CHMP6: variants seen among roughly 807,000 people sequenced by gnomAD.
The protein encoded by CHMP6 is charged multivesicular body protein 6, also known as chromatin-modifying protein 6.
Under a neutral mutation model 32.8 loss-of-function variants are expected in CHMP6, and 10 were observed. The observed-to-expected ratio is 0.30, with a 90% CI of 0.19 to 0.52. The LOEUF is 0.52. Ranked by LOEUF, CHMP6 falls within the 20% of genes least tolerant of loss-of-function variation. The pLI is 0.97. For missense variants in CHMP6, 269 were observed against 263.8 expected, an observed-to-expected ratio of 1.02 and a Z score of -0.14; for synonymous variants, 123 against 105.8, an observed-to-expected ratio of 1.16 and a Z score of -1.00.
At position 80,991,975 on chromosome 17, in the gene CHMP6, C is replaced by T. The variant is rs1324648663; in HGVS notation, c.57C>T (p.Ala19=). The T allele has an allele frequency of 2.1e-6, 3 of 1,440,578 alleles. No homozygotes were observed. The highest frequency in any genetic ancestry group is 1.3e-5 in the South Asian group (1 of 74,716). 89.2% of individuals were successfully genotyped at this position (1,440,578 alleles called of 1,614,324 possible). Residue 19 remains alanine (A), a synonymous_variant, in exon 1 of 8, where the codon GCC becomes GCT. Transcript: ENST00000325167. ...KQSRVTEQDK[A]ILQLKQQRDK... ...GCCGCGTCACGGAGCAGGACAAGGCCATCCTGGTGAGGGCCCGGGCCCGGG... is the reference window on the plus strand; with the variant it reads ...GCCGCGTCACGGAGCAGGACAAGGCTATCCTGGTGAGGGCCCGGGCCCGGG...
At chr17:80,993,297 G>A (rs548690199) in intron 1 of CHMP6, among the ~76,000 whole-genome samples, 1 of 150,918 alleles carries the variant, frequency 6.6e-6, no homozygotes, top group African/African-American at 2.4e-5. Flanking sequence ...TAGGATAACA[G>A]GTGTTCCCCA....
chr17:80,998,818 C>T (rs1343448667), intron 7 of CHMP6: 5 of 768,988 alleles, frequency 6.5e-6, no homozygotes, highest in South Asian at 3.8e-5. Context: ...CGTCCATCCA[C>T]GTTTGTTCTG....
Position 80,997,003 on chromosome 17 carries a change from A to G in CHMP6, c.349-4A>G. The G allele has an allele frequency of 6.2e-7, 1 of 1,613,034 alleles. No homozygotes were observed. The highest frequency in any genetic ancestry group is 8.5e-7 in the Non-Finnish European group (1 of 1,179,474). ...GGGTCAACACCCATCACCCTCGTCCACAGGTGATGTCCATTGAAGAGGTGG... is the reference window on the plus strand; with the variant it reads ...GGGTCAACACCCATCACCCTCGTCCGCAGGTGATGTCCATTGAAGAGGTGG... On this transcript the variant is annotated splice_region_variant and splice_polypyrimidine_tract_variant and intron_variant, in intron 4 of 7. Transcript: ENST00000325167.
Position 80,997,219 on chromosome 17 carries a change from GCCA to G in CHMP6, c.415-39_415-37del, listed in dbSNP as rs1318323766. ...AGGCCATCTCCTTCCTCCCTGAGGG[GCCA>G]CCTCCTCGCTGCTCTCACCACCGCC... is the stretch of plus-strand genomic sequence containing the variant. On this transcript the variant is annotated intron_variant, in intron 5 of 7. Transcript: ENST00000325167. The G allele has an allele frequency of 1.9e-6, 3 of 1,611,172 alleles. No homozygotes were observed. In the Admixed American group the frequency reaches 5.0e-5, roughly 27 times the overall value.
rs775129103 is a variant in CHMP6 at position 80,997,280 on chromosome 17, C to A, written c.434C>A (p.Ala145Glu). 1 of 1,613,654 alleles carries A rather than the reference C, an allele frequency of 6.2e-7. No individual in the cohort carries two copies. The highest frequency in any genetic ancestry group is 8.5e-7 in the Non-Finnish European group (1 of 1,179,916). ...EYQRQIDELL[A>E]GSFTQEDEDA... ...TTGCAGCAAATAGACGAGCTCCTGG[C>A]AGGAAGCTTCACTCAGGAGGATGAA... The change falls in exon 6 of 8, where the codon GCA (alanine) becomes GAA (glutamate). Residue 145 changes from alanine (A) to glutamate (E), a missense_variant. Physicochemically the swap from Ala to Glu is moderately radical, Grantham distance 107. Transcript: ENST00000325167.
chr17:80,992,925 C>T (rs1431769999), intron 1 of CHMP6, among the ~76,000 whole-genome samples: 1 of 152,216 alleles, frequency 6.6e-6, no homozygotes, highest in Non-Finnish European at 1.5e-5. Flanking sequence ...AAGAGGGAAT[C>T]TTACGTTGGC....
At position 80,999,405 on chromosome 17, in the gene CHMP6, G is replaced by A. The variant is rs977817920; in HGVS notation, c.*252G>A. ...CTCTCGACCGAGCCCAGCTTCTGCC[G>A]GTTGTGGGCTCCCCCGGTGGCCGAG... On this transcript the variant is annotated 3_prime_UTR_variant, in exon 8 of 8. Coordinates refer to ENST00000325167, the MANE Select transcript of CHMP6 (RefSeq NM_024591.5). 8 of 490,684 alleles carry A rather than the reference G, an allele frequency of 1.6e-5. No homozygotes were observed. The highest frequency in any genetic ancestry group is 5.6e-4 in the Middle Eastern group (1 of 1,788). 30.4% of individuals were successfully genotyped at this position (490,684 alleles called of 1,614,324 possible).
chr17:80,999,553 C>A lies in CHMP6; in HGVS notation c.*400C>A. 1 of 188,808 alleles carries A rather than the reference C, an allele frequency of 5.3e-6. No individual in the cohort carries two copies. Among genetic ancestry groups the A allele is most frequent in the Non-Finnish European group, 1.1e-5 (1 of 90,768 alleles). The allele number at this position is 188,808 out of a possible 1,614,324, so 11.7% of individuals were successfully genotyped here. A position where few individuals can be genotyped will look rare whatever the true frequency, so the allele number is the denominator to read the frequency against. The stretch of plus-strand genomic sequence containing the variant: ...CCGCGCTTCCTCTTGCTCCTCGCTG[C>A]TCCCATTAGCTGGTGCAGGCTTCCG... On this transcript the variant is annotated 3_prime_UTR_variant, in exon 8 of 8. Transcript: ENST00000325167.
chr17:80,994,557 G>C lies in CHMP6; in HGVS notation c.64-24G>C, dbSNP rs773868168. Reference sequence around the variant, plus strand: ...GGGCTCCCAGTGTGGGCTCGGTGACGCCAGGCCCTCTCTCTCTTGGCAGCA... The same window carrying C: ...GGGCTCCCAGTGTGGGCTCGGTGACCCCAGGCCCTCTCTCTCTTGGCAGCA... On this transcript the variant is annotated intron_variant, in intron 1 of 7. Transcript: ENST00000325167. 6 of 1,543,062 alleles carry C rather than the reference G, an allele frequency of 3.9e-6. No homozygotes were observed. In the Admixed American group the frequency reaches 1.2e-4, roughly 31 times the overall value.
chr17:80,992,890 C>T (rs67719788), intron 1 of CHMP6, among the ~76,000 whole-genome samples: 18,706 of 152,236 alleles, frequency 0.12, 1,716 homozygotes, highest in African/African-American at 0.25. Context: ...TAATTTTATA[C>T]TAAAAGAGAA....
chr17:80,992,028 G>C (rs896510807), intron 1 of CHMP6, 47 bp downstream of exon 1: 3 of 1,280,452 alleles, frequency 2.3e-6, no homozygotes, highest in South Asian at 2.2e-5. Flanking sequence ...GACAGGCGAC[G>C]GGGCCGGGGC....
chr17:80,994,529 C>T (rs1418829413), intron 1 of CHMP6, 52 bp from the exon 2 acceptor site: 9 of 1,493,262 alleles, frequency 6.0e-6, no homozygotes, highest in African/African-American at 1.4e-5. Flanking sequence ...AGTAGCGTGG[C>T]CAGGGCTCCC....
rs115649726 is a variant in CHMP6 at position 80,995,396 on chromosome 17, C to T, written c.262-276C>T. On this transcript the variant is annotated intron_variant, in intron 3 of 7. Coordinates refer to ENST00000325167, the MANE Select transcript of CHMP6 (RefSeq NM_024591.5). ...GGGTCTGCATGGGGACTGAGTGTCC[C>T]TGGTGTTAGGGACCCGAGCGGCGTG... Among the ~76,000 whole-genome samples, 1,071 of 152,242 alleles carry T rather than the reference C, an allele frequency of 7.0e-3. 12 individuals are homozygous for T. Among genetic ancestry groups the T allele is most frequent in the African/African-American group, 0.024 (1,005 of 41,520 alleles).
At chr17:80,992,124 C>A in intron 1 of CHMP6, 143 bp downstream of exon 1, 1 of 486,770 alleles carries the variant, frequency 2.1e-6, no homozygotes, top group Non-Finnish European at 3.1e-6. Context: ...CCGGGCCCCT[C>A]GGTCTCTCCG....
At chr17:80,993,320 C>G (rs8068653) in intron 1 of CHMP6, among the ~76,000 whole-genome samples, 17,045 of 151,892 alleles carry the variant, frequency 0.11, 1,038 homozygotes, top group Admixed American at 0.12. Flanking sequence ...TGGCCTGTGA[C>G]CCTCCACTGA....
Position 80,997,049 on chromosome 17 carries a change from C to T in CHMP6, c.391C>T (p.Gln131Ter). ...GGTGGAGAGGATCCTGGACGAGACG[C>T]AGGAGGCCGTGGAGTACCAGCGGGT... The part of the protein sequence containing the change: ...EEVERILDET[Q>*]EAVEYQRQID... The change falls in exon 5 of 8, where the codon CAG becomes TAG. Residue 131 changes from glutamine (Q) to a stop codon, truncating the protein, a stop_gained. Transcript: ENST00000325167. LOFTEE classifies it high-confidence loss of function. The T allele has an allele frequency of 6.2e-7, 1 of 1,613,914 alleles. No individual in the cohort carries two copies. Among genetic ancestry groups the T allele is most frequent in the Non-Finnish European group, 8.5e-7 (1 of 1,179,950 alleles).
Position 80,996,950 on chromosome 17 carries a change from C to T in CHMP6, c.349-57C>T, listed in dbSNP as rs371866274. The T allele has an allele frequency of 1.4e-3, 2,227 of 1,548,836 alleles. 29 individuals carry two copies. The South Asian group carries it at 0.015, about 11-fold the overall frequency. On this transcript the variant is annotated intron_variant, in intron 4 of 7. Coordinates refer to ENST00000325167, the MANE Select transcript of CHMP6 (RefSeq NM_024591.5). ...CCCTGAGAGCCCAGGAGGCCTCTGT[C>T]GGGGGTCTACCATTGGCCTCGCGAC...
In CHMP6 at chr17:80,997,270, G is replaced by A. The variant is rs778393768; in HGVS notation, c.424G>A (p.Glu142Lys). Reference sequence around the variant, plus strand: ...GCCTGTCCTTTTGCAGCAAATAGACGAGCTCCTGGCAGGAAGCTTCACTCA... The same window carrying A: ...GCCTGTCCTTTTGCAGCAAATAGACAAGCTCCTGGCAGGAAGCTTCACTCA... ...EAVEYQRQID[E>K]LLAGSFTQED... The change falls in exon 6 of 8, where the codon GAG becomes AAG. Residue 142 changes from glutamate (E) to lysine (K), a missense_variant. Transcript: ENST00000325167. The A allele has an allele frequency of 1.7e-5, 27 of 1,571,910 alleles. No homozygotes were observed. The highest frequency in any genetic ancestry group is 7.8e-5 in the South Asian group (7 of 90,024).
intron 6 of CHMP6, among the ~76,000 whole-genome samples, chr17:80,998,054 C>G (rs1468256302): frequency 6.6e-6 from 1 of 152,222 alleles, no homozygotes; most frequent in Non-Finnish European, 1.5e-5. Flanking sequence ...GTCTGTGTCA[C>G]CCACCCCTCG....
Sources: gnomAD v4.1 joint callset for allele counts (sites outside exome capture counted in the v4.1 genomes callset) on GRCh38, gnomAD v4.1.1 for gene constraint, MANE v1.5 for transcripts, NCBI Gene and HGNC (gene_info 2026-07-23, HGNC 2026-07-21) for gene names.